ZNF536: variants seen among roughly 807,000 people sequenced by gnomAD.
ZNF536 encodes the protein zinc finger protein 536.
A neutral mutation model predicts 84.5 loss-of-function variants in ZNF536; 13 were observed. The observed-to-expected ratio is 0.15, with a 90% CI of 0.10 to 0.24. The LOEUF (loss-of-function observed/expected upper bound fraction) is 0.24, where lower values mean the gene tolerates loss of function less well. ZNF536 is among the 10% of genes least tolerant of loss of function. The pLI is 1.00. For synonymous variants in ZNF536, 811 were observed against 742.5 expected (o/e 1.09, Z -1.50); for missense variants, 1,536 against 1,747.5 (o/e 0.88, Z 2.16).
intron 2 of ZNF536, among the ~76,000 whole-genome samples, chr19:30,493,089 CTTTTTTTTTTTTT>C (rs201787656): frequency 1.7e-4 from 12 of 71,578 alleles, no homozygotes; most frequent in African/African-American, 6.0e-4. Flanking sequence ...ATATTACTCA[CTTTTTTTTTTTTT>C]TTTTTTTTTT....
chr19:30,410,444 TAAAC>T (rs2050432370), intron 1 of ZNF536, among the ~76,000 whole-genome samples: 2 of 142,148 alleles, frequency 1.4e-5, no homozygotes, highest in South Asian at 2.3e-4. Context: ...TTGAAATAAA[TAAAC>T]AATGAAAAGT....
chr19:30,233,501 C>T (rs2023236884), intron 1 of ZNF536, among the ~76,000 whole-genome samples: 2 of 151,934 alleles, frequency 1.3e-5, no homozygotes, highest in Non-Finnish European at 2.9e-5. Flanking sequence ...ACCACCACAC[C>T]TAGGTAGTTT....
chr19:30,347,864 C>T (rs1328609671), intron 2 of ZNF536, among the ~76,000 whole-genome samples: 2 of 152,300 alleles, frequency 1.3e-5, no homozygotes, highest in East Asian at 3.9e-4. Flanking sequence ...TGCTTTGAAA[C>T]ATTGGAGGGG....
chr19:30,277,350 A>C (rs1002478285), intron 1 of ZNF536, among the ~76,000 whole-genome samples: 1 of 152,076 alleles, frequency 6.6e-6, no homozygotes, highest in Non-Finnish European at 1.5e-5. Context: ...TGATGAGAGG[A>C]AGCCTCTCCA....
intron 1 of ZNF536, among the ~76,000 whole-genome samples, chr19:30,696,658 G>A (rs960674855): frequency 5.3e-5 from 8 of 152,304 alleles, no homozygotes; most frequent in Admixed American, 1.3e-4. Flanking sequence ...AAATCTGTAG[G>A]GCATGCGCAA....
chr19:30,601,949 C>G (rs1372426013), intron 1 of ZNF536, among the ~76,000 whole-genome samples: 1 of 152,186 alleles, frequency 6.6e-6, no homozygotes, highest in African/African-American at 2.4e-5. Flanking sequence ...TGCCATGTGG[C>G]TCAAGGGCAT....
intron 3 of ZNF536, among the ~76,000 whole-genome samples, chr19:30,363,046 G>C (rs1486069058): frequency 6.6e-6 from 1 of 151,192 alleles, no homozygotes; most frequent in Non-Finnish European, 1.5e-5. Context: ...GCAACGCAGC[G>C]AGACTCCATC....
chr19:30,281,051 C>T (rs1263670075), intron 1 of ZNF536, among the ~76,000 whole-genome samples: 1 of 152,070 alleles, frequency 6.6e-6, no homozygotes, highest in African/African-American at 2.4e-5. Flanking sequence ...CAGGATGGGT[C>T]AGAGCTGCCG....
At chr19:30,292,871 T>C (rs1378681988) in intron 2 of ZNF536, among the ~76,000 whole-genome samples, 2 of 152,198 alleles carry the variant, frequency 1.3e-5, no homozygotes, top group Non-Finnish European at 2.9e-5. Flanking sequence ...AGTTTTAGGA[T>C]GCAGGCATGT....
chr19:30,414,916 T>C (rs189206365), intron 1 of ZNF536, among the ~76,000 whole-genome samples: 368 of 152,326 alleles, frequency 2.4e-3, no homozygotes, highest in African/African-American at 8.7e-3. Flanking sequence ...CCTTTGAAAA[T>C]ATTACCTGAC....
At chr19:30,237,596 T>A (rs1424126711) in intron 1 of ZNF536, among the ~76,000 whole-genome samples, 2 of 152,214 alleles carry the variant, frequency 1.3e-5, no homozygotes, top group Non-Finnish European at 2.9e-5. Context: ...CAACGGACTC[T>A]TAACCTTCAG....
At chr19:30,523,830 G>A (rs532974718) in intron 2 of ZNF536, among the ~76,000 whole-genome samples, 1 of 152,334 alleles carries the variant, frequency 6.6e-6, no homozygotes, top group South Asian at 2.1e-4. Context: ...TGTGGTCAAT[G>A]CCTCTCTGAG....
intron 1 of ZNF536, among the ~76,000 whole-genome samples, chr19:30,627,826 G>A (rs958810021): frequency 5.3e-5 from 8 of 152,166 alleles, no homozygotes; most frequent in East Asian, 1.9e-4. Flanking sequence ...GAGGAGAGGC[G>A]AAGATGGGTG....
chr19:30,486,763 G>GT (rs1341079802), intron 2 of ZNF536, among the ~76,000 whole-genome samples: 1 of 152,122 alleles, frequency 6.6e-6, no homozygotes, highest in Non-Finnish European at 1.5e-5. Flanking sequence ...GACAGCATCT[G>GT]TTGTTTCTTA....
chr19:30,352,205 G>A (rs1055002643), intron 2 of ZNF536, among the ~76,000 whole-genome samples: 25 of 152,252 alleles, frequency 1.6e-4, no homozygotes, highest in African/African-American at 4.6e-4. Flanking sequence ...GCACGTCACC[G>A]GTGGCCTTGC....
intron 2 of ZNF536, among the ~76,000 whole-genome samples, chr19:30,527,166 C>G (rs918564842): frequency 1.3e-5 from 2 of 150,738 alleles, no homozygotes; most frequent in African/African-American, 4.9e-5. Context: ...GTCTGCCCAC[C>G]TCAGCCTCCC....
At chr19:30,669,435 G>A (rs187037910) in intron 1 of ZNF536, among the ~76,000 whole-genome samples, 2 of 152,298 alleles carry the variant, frequency 1.3e-5, no homozygotes, top group African/African-American at 4.8e-5. Flanking sequence ...CAGCTTCCCC[G>A]GGGACTCAGC....
chr19:30,477,493 C>G (rs2053898645), intron 2 of ZNF536, among the ~76,000 whole-genome samples: 2 of 152,292 alleles, frequency 1.3e-5, no homozygotes, highest in South Asian at 4.1e-4. Flanking sequence ...AAAAAATATG[C>G]TTGAGGTTTC....
chr19:30,671,231 G>C (rs1568656758), intron 1 of ZNF536, among the ~76,000 whole-genome samples: 2 of 152,240 alleles, frequency 1.3e-5, no homozygotes, highest in Non-Finnish European at 2.9e-5. Flanking sequence ...CCCATGTTCA[G>C]GCTTGACATT....
Sources: gnomAD v4.1 joint callset for allele counts (sites outside exome capture counted in the v4.1 genomes callset) on GRCh38, gnomAD v4.1.1 for gene constraint, MANE v1.5 for transcripts, NCBI Gene and HGNC (gene_info 2026-07-23, HGNC 2026-07-21) for gene names.